Variants in CEP152 observed in about 807,000 individuals in gnomAD.
The protein encoded by CEP152 is centrosomal protein of 152 kDa.
A neutral mutation model predicts 188.9 loss-of-function variants in CEP152; 132 were observed. That is an observed-to-expected ratio of 0.70 (90% CI 0.61 to 0.81). The LOEUF (loss-of-function observed/expected upper bound fraction) is 0.81, where lower values mean the gene tolerates loss of function less well. Among genes scored for constraint, CEP152 ranks in the 30% least tolerant of loss-of-function variants. The pLI is 0.00. For missense variants in CEP152, 1,914 were observed against 1,969.8 expected, an observed-to-expected ratio of 0.97 and a Z score of 0.54; for synonymous variants, 649 against 666.6, an observed-to-expected ratio of 0.97 and a Z score of 0.41.
intron 12 of CEP152, among the ~76,000 whole-genome samples, chr15:48,776,114 T>C (rs1016170962): frequency 4.6e-5 from 7 of 151,920 alleles, no homozygotes; most frequent in Non-Finnish European, 7.4e-5. Flanking sequence ...AGAAAGAATA[T>C]GGGCAGCTCG....
chr15:48,804,575 C>T (rs1897864238), intron 2 of CEP152, among the ~76,000 whole-genome samples: 1 of 152,216 alleles, frequency 6.6e-6, no homozygotes, highest in South Asian at 2.1e-4. Context: ...TTGACTTCCA[C>T]CAATAACACT....
intron 6 of CEP152, among the ~76,000 whole-genome samples, chr15:48,795,202 C>T (rs569030702): frequency 6.6e-6 from 1 of 152,058 alleles, no homozygotes; most frequent in Non-Finnish European, 1.5e-5. Context: ...TTTTTTGATA[C>T]TAGCATTTCA....
intron 24 of CEP152, among the ~76,000 whole-genome samples, chr15:48,743,225 G>A (rs2140574863): frequency 6.6e-6 from 1 of 152,120 alleles, no homozygotes; most frequent in Non-Finnish European, 1.5e-5. Context: ...AATGAGCTTT[G>A]TAGAACATCT....
chr15:48,762,350 G>C (rs771927553), intron 18 of CEP152, 41 bp downstream of exon 18: 1 of 1,551,786 alleles, frequency 6.4e-7, no homozygotes, highest in East Asian at 2.2e-5. Flanking sequence ...TTAAGAGACA[G>C]GCAGTTCCAA....
rs531199866 is a variant in CEP152 at position 48,741,633 on chromosome 15, G to A, written c.4061C>T (p.Ser1354Phe). ...TMAKLLETPI[S>F]SKSQSKTTQS... ...TGTAGTTTTGCTTTGGGACTTACTA[G>A]AAATAGGTGTTTCCAGTAATTTTGC... Residue 1354 changes from serine (S) to phenylalanine (F), a missense_variant, in exon 26 of 27, where the codon TCT becomes TTT. Ser to Phe is a radical substitution (Grantham distance 155, BLOSUM62 -2). Transcript: ENST00000380950. 33 of 1,614,128 alleles carry A rather than the reference G, an allele frequency of 2.0e-5. No individual in the cohort carries two copies. The South Asian group carries it at 3.5e-4, about 17-fold the overall frequency.
chr15:48,771,790 A>C (rs1007590615), intron 13 of CEP152, among the ~76,000 whole-genome samples: 5 of 152,248 alleles, frequency 3.3e-5, no homozygotes, highest in Non-Finnish European at 7.3e-5. Flanking sequence ...GGCCTACCTT[A>C]AATGTGCTCA....
intron 6 of CEP152, among the ~76,000 whole-genome samples, chr15:48,795,300 G>A (rs1306861092): frequency 6.6e-6 from 1 of 151,994 alleles, no homozygotes; most frequent in African/African-American, 2.4e-5. Context: ...AATGCCACAT[G>A]ACTGAACCTG....
At chr15:48,792,079 G>A (rs546851645) in intron 7 of CEP152, among the ~76,000 whole-genome samples, 2 of 152,082 alleles carry the variant, frequency 1.3e-5, no homozygotes, top group East Asian at 3.9e-4. Context: ...TGCAAGCTCC[G>A]CCTCCCAGGT....
At chr15:48,745,064 A>G in intron 22 of CEP152, 72 bp from the exon 23 acceptor site, 2 of 1,080,172 alleles carry the variant, frequency 1.9e-6, no homozygotes, top group Non-Finnish European at 2.6e-6. Context: ...TAAGTTCCCA[A>G]TACAAATGTT....
intron 13 of CEP152, among the ~76,000 whole-genome samples, chr15:48,770,253 C>A (rs1223067257): frequency 1.3e-5 from 2 of 152,078 alleles, no homozygotes; most frequent in African/African-American, 2.4e-5. Context: ...TGGAGGTGGG[C>A]AGATCACTTG....
chr15:48,771,927 C>T (rs1248349019), intron 13 of CEP152, among the ~76,000 whole-genome samples: 1 of 152,118 alleles, frequency 6.6e-6, no homozygotes, highest in Non-Finnish European at 1.5e-5. Context: ...AACTGTTTTA[C>T]AGGTACTTGA....
At position 48,805,404 on chromosome 15, in the gene CEP152, T is replaced by C; in HGVS notation, c.87+159A>G. On this transcript the variant is annotated intron_variant, in intron 2 of 26. Coordinates refer to ENST00000380950, the MANE Select transcript of CEP152 (RefSeq NM_001194998.2). ...AACAGAAGCATTCCACTTATTCACC[T>C]TTTCAGTCTAAATAGCAAGCAGATT... 5 of 915,688 alleles carry C rather than the reference T, an allele frequency of 5.5e-6. No homozygotes were observed. In the East Asian group the frequency reaches 1.1e-4, roughly 21 times the overall value. The allele number at this position is 915,688 out of a possible 1,614,324, so 56.7% of individuals were successfully genotyped here. A position where few individuals can be genotyped will look rare whatever the true frequency, so the allele number is the denominator to read the frequency against.
chr15:48,747,438 TCTGACAAGTGA>T (rs1445807650), intron 22 of CEP152, among the ~76,000 whole-genome samples: 1 of 152,174 alleles, frequency 6.6e-6, no homozygotes, highest in Non-Finnish European at 1.5e-5. Flanking sequence ...GGAGAAGGTA[TCTGACAAGTGA>T]CCAAACAATT....
chr15:48,732,180 T>C (rs1472641046), intron 2 of CEP152, among the ~76,000 whole-genome samples: 1 of 152,242 alleles, frequency 6.6e-6, no homozygotes, highest in African/African-American at 2.4e-5. Context: ...ATCCCATTAC[T>C]GGGTATATAG....
rs141600901 is a variant in CEP152, at chr15:48,739,002, AAC to A, written c.4378_4379del (p.Val1460PhefsTer3). ...CTTCACAAGGAACAAACTCAGGAGA[AAC>A]ATTCCTTGGCAAACTGTTTAGGTGC... ...CKHLNSLPRN[V>X]SPEFVPCEGE... On this transcript the variant is annotated frameshift_variant, in exon 27 of 27. Transcript: ENST00000380950. LOFTEE classifies it low-confidence loss of function (END_TRUNC). The A allele has an allele frequency of 7.4e-4, 1,200 of 1,614,180 alleles. 10 individuals are homozygous for A. In the African/African-American group the frequency reaches 0.015, roughly 20 times the overall value.
chr15:48,757,734 A>G lies in CEP152; in HGVS notation c.2695-1181T>C, dbSNP rs117437747. On this transcript the variant is annotated intron_variant, in intron 19 of 26. Transcript: ENST00000380950. ...GTACCTACTAAATAAATTTTCTGCT[A>G]AAGGAACCCACTATCTAAGGTGAGC... 5.6e-4 allele frequency among the ~76,000 whole-genome samples: 85 copies of G among 152,302 alleles called. 2 individuals carry two copies. In the East Asian group the frequency reaches 0.016, roughly 29 times the overall value.
intron 17 of CEP152, 21 bp downstream of exon 17, chr15:48,767,039 C>A (rs1895168030): frequency 6.2e-7 from 1 of 1,611,318 alleles, no homozygotes; most frequent in Non-Finnish European, 8.5e-7. Flanking sequence ...GATGTCGATA[C>A]AACATAAACT....
chr15:48,804,818 A>G (rs536865943), intron 2 of CEP152, among the ~76,000 whole-genome samples: 27 of 152,352 alleles, frequency 1.8e-4, no homozygotes, highest in African/African-American at 5.3e-4. Flanking sequence ...CAAACACCTT[A>G]TCATGGCTTT....
chr15:48,796,323 C>CACAT (rs1491217829), intron 5 of CEP152, among the ~76,000 whole-genome samples, 163 bp from the exon 6 acceptor site: 2 of 135,478 alleles, frequency 1.5e-5, no homozygotes, highest in African/African-American at 2.7e-5. Context: ...CACACACACA[C>CACAT]ATATATATAT....
Sources: allele counts gnomAD v4.1 joint callset (sites outside exome capture counted in the v4.1 genomes callset), GRCh38; gene constraint gnomAD v4.1.1; transcripts MANE v1.5; gene names NCBI Gene and HGNC (gene_info 2026-07-23, HGNC 2026-07-21).